AUTS2: variants seen among roughly 807,000 people sequenced by gnomAD.
The protein encoded by AUTS2 is activator of transcription and developmental regulator AUTS2.
AUTS2 carries 17 observed loss-of-function variants against 112.4 expected under a neutral mutation model. That is an observed-to-expected ratio of 0.15 (90% CI 0.10 to 0.23). The LOEUF (loss-of-function observed/expected upper bound fraction) is 0.23. Among genes scored for constraint, AUTS2 ranks in the 10% least tolerant of loss-of-function variants. The probability of loss-of-function intolerance (pLI) is 1.00; values close to 1 mark genes in which losing one functional copy is unlikely to be tolerated. For synonymous variants in AUTS2, 751 were observed against 702.7 expected, an observed-to-expected ratio of 1.07 and a Z score of -1.09; for missense variants, 1,510 against 1,701.6, an observed-to-expected ratio of 0.89 and a Z score of 1.98.
At chr7:70,611,686 G>A (rs879928009) in intron 5 of AUTS2, among the ~76,000 whole-genome samples, 7 of 152,092 alleles carry the variant, frequency 4.6e-5, no homozygotes, top group African/African-American at 1.7e-4. Flanking sequence ...TTACAATTAC[G>A]CAGTCACAAT....
At chr7:69,648,589 A>G (rs1488332699) in intron 1 of AUTS2, among the ~76,000 whole-genome samples, 1 of 151,892 alleles carries the variant, frequency 6.6e-6, no homozygotes, top group Non-Finnish European at 1.5e-5. Context: ...TTCATAGTGT[A>G]GTAGAACAGT....
At chr7:70,748,785 A>G (rs1788622601) in intron 6 of AUTS2, among the ~76,000 whole-genome samples, 1 of 152,176 alleles carries the variant, frequency 6.6e-6, no homozygotes, top group South Asian at 2.1e-4. Context: ...ATTCTCTTGA[A>G]TGCTTCCCCT....
intron 4 of AUTS2, among the ~76,000 whole-genome samples, chr7:70,380,862 C>T (rs891151440): frequency 1.3e-5 from 2 of 152,186 alleles, no homozygotes; most frequent in African/African-American, 4.8e-5. Context: ...ATATTCAAAA[C>T]TAGCCTGAAA....
intron 2 of AUTS2, among the ~76,000 whole-genome samples, chr7:70,088,675 C>T (rs1040183730): frequency 2.6e-5 from 4 of 151,348 alleles, no homozygotes; most frequent in Non-Finnish European, 5.9e-5. Flanking sequence ...TGCAATGGCG[C>T]GATCTCGGCT....
chr7:70,355,105 G>A (rs200380486), intron 4 of AUTS2, among the ~76,000 whole-genome samples: 7 of 138,432 alleles, frequency 5.1e-5, no homozygotes, highest in African/African-American at 1.8e-4. Context: ...TGTATGTATG[G>A]GTGTGTGTGT....
chr7:70,010,311 A>T (rs1005850981), intron 2 of AUTS2, among the ~76,000 whole-genome samples: 5 of 151,988 alleles, frequency 3.3e-5, no homozygotes, highest in African/African-American at 1.2e-4. Context: ...ACATCCAGAT[A>T]ACTTTCTATT....
intron 5 of AUTS2, among the ~76,000 whole-genome samples, chr7:70,595,092 G>T (rs570292549): frequency 7.2e-6 from 1 of 138,750 alleles, no homozygotes; most frequent in South Asian, 2.4e-4. Context: ...GAGTGAAACT[G>T]TCTCAAGAAA....
chr7:70,646,266 A>T (rs1479955159), intron 5 of AUTS2, among the ~76,000 whole-genome samples: 1 of 152,194 alleles, frequency 6.6e-6, no homozygotes, highest in African/African-American at 2.4e-5. Context: ...ATTGCAGGCA[A>T]ATATCAGCCT....
intron 6 of AUTS2, among the ~76,000 whole-genome samples, chr7:70,739,481 C>T (rs1024071536): frequency 1.7e-4 from 23 of 132,388 alleles, no homozygotes; most frequent in African/African-American, 7.3e-4. Context: ...TGCCCAGTCA[C>T]ATTTTTTATC....
chr7:70,515,055 A>C (rs1461053514), intron 5 of AUTS2, among the ~76,000 whole-genome samples: 1 of 152,062 alleles, frequency 6.6e-6, no homozygotes, highest in Non-Finnish European at 1.5e-5. Context: ...GTAACCATTC[A>C]TTATTTCCTT....
At chr7:69,996,853 T>C (rs1391499829) in intron 2 of AUTS2, among the ~76,000 whole-genome samples, 1 of 150,796 alleles carries the variant, frequency 6.6e-6, no homozygotes, top group Admixed American at 6.6e-5. Context: ...ATACACATTT[T>C]ATAACCCACT....
At chr7:69,826,029 C>T (rs1016547839) in intron 1 of AUTS2, among the ~76,000 whole-genome samples, 8 of 152,168 alleles carry the variant, frequency 5.3e-5, no homozygotes, top group Admixed American at 6.5e-5. Flanking sequence ...AGAATTAGGG[C>T]CTTTTAAAAA....
At chr7:70,290,018 T>G (rs937125123) in intron 4 of AUTS2, among the ~76,000 whole-genome samples, 4 of 152,122 alleles carry the variant, frequency 2.6e-5, no homozygotes, top group Non-Finnish European at 5.9e-5. Flanking sequence ...ATTCAAAGTC[T>G]TGCACCATAT....
At chr7:70,323,891 G>A (rs535416752) in intron 4 of AUTS2, among the ~76,000 whole-genome samples, 13 of 152,254 alleles carry the variant, frequency 8.5e-5, no homozygotes, top group South Asian at 2.1e-4. Context: ...ATTAAATATA[G>A]GTGATTCAAT....
At chr7:70,180,572 A>G (rs1330946606) in intron 4 of AUTS2, among the ~76,000 whole-genome samples, 2 of 152,148 alleles carry the variant, frequency 1.3e-5, no homozygotes, top group South Asian at 2.1e-4. Context: ...CTAGCTCCCT[A>G]TGCCTTTTGC....
At chr7:69,939,547 G>A (rs1468969590) in intron 2 of AUTS2, among the ~76,000 whole-genome samples, 1 of 152,164 alleles carries the variant, frequency 6.6e-6, no homozygotes, top group Admixed American at 6.5e-5. Context: ...TGTGAAGTGA[G>A]CTCTTTGATC....
intron 4 of AUTS2, among the ~76,000 whole-genome samples, chr7:70,403,558 C>G (rs947529710): frequency 2.0e-5 from 3 of 152,230 alleles, no homozygotes; most frequent in African/African-American, 7.2e-5. Flanking sequence ...CTCCAATGTA[C>G]AAATACCTCA....
At chr7:70,036,177 G>A (rs1222403095) in intron 2 of AUTS2, among the ~76,000 whole-genome samples, 1 of 152,206 alleles carries the variant, frequency 6.6e-6, no homozygotes, top group East Asian at 1.9e-4. Flanking sequence ...GCAAGAAAAC[G>A]CTGAGCTGCT....
chr7:69,909,629 A>G lies in AUTS2; in HGVS notation c.522+10131A>G, dbSNP rs80341031. ...TCATTACCAGCAAAGCTTCAGTTTAATAAAAATATTATAATTGAATTTACG... is the reference window on the plus strand; with the variant it reads ...TCATTACCAGCAAAGCTTCAGTTTAGTAAAAATATTATAATTGAATTTACG... On this transcript the variant is annotated intron_variant, in intron 2 of 18. Coordinates refer to ENST00000342771, the MANE Select transcript of AUTS2 (RefSeq NM_015570.4). Among the ~76,000 whole-genome samples the G allele has an allele frequency of 7.7e-3, 1,176 of 152,348 alleles. 13 individuals carry two copies. Among genetic ancestry groups the G allele is most frequent in the South Asian group, 0.04 (193 of 4,824 alleles).
Sources: gnomAD v4.1 joint callset for allele counts (sites outside exome capture counted in the v4.1 genomes callset) on GRCh38, gnomAD v4.1.1 for gene constraint, MANE v1.5 for transcripts, NCBI Gene and HGNC (gene_info 2026-07-23, HGNC 2026-07-21) for gene names.